The following SUV39H2 variants were observed in gnomAD, a reference collection of about 807,000 sequenced individuals.
The protein encoded by SUV39H2 is SUV39H2 histone lysine methyltransferase, also known as histone-lysine N-methyltransferase SUV39H2.
SUV39H2 carries 10 observed loss-of-function variants against 47.5 expected under a neutral mutation model. That is an observed-to-expected ratio of 0.21 (90% CI 0.13 to 0.36). The LOEUF is 0.36. Ranked by LOEUF, SUV39H2 falls within the 10% of genes least tolerant of loss-of-function variation. The pLI is 1.00. For synonymous variants in SUV39H2, 159 were observed against 166.8 expected, an observed-to-expected ratio of 0.95 and a Z score of 0.36; for missense variants, 266 against 487.4, an observed-to-expected ratio of 0.55 and a Z score of 4.28.
chr10:14,879,856 A>G (rs1328170135), intron 1 of SUV39H2: 1 of 151,092 alleles, frequency 6.6e-6, no homozygotes, highest in Non-Finnish European at 1.5e-5. Flanking sequence ...TTTCTGCATT[A>G]CTGGAGACTG....
chr10:14,878,965 G>A (rs1832954932), intron 1 of SUV39H2, 46 bp downstream of exon 1: 1 of 1,411,722 alleles, frequency 7.1e-7, no homozygotes, highest in East Asian at 3.1e-5. Flanking sequence ...TCCCAGGCAA[G>A]CTCCCAAGGC....
intron 1 of SUV39H2, among the ~76,000 whole-genome samples, chr10:14,880,221 C>G (rs994286492): frequency 6.6e-6 from 1 of 152,166 alleles, no homozygotes; most frequent in African/African-American, 2.4e-5. Flanking sequence ...TTTGTCTTTA[C>G]TGCTTTAGGA....
At chr10:14,889,919 T>C (rs573618195) in intron 2 of SUV39H2, among the ~76,000 whole-genome samples, 1 of 152,318 alleles carries the variant, frequency 6.6e-6, no homozygotes, top group South Asian at 2.1e-4. Context: ...CTGACAAAAC[T>C]ATGGGTATTT....
chr10:14,878,969 C>A, intron 1 of SUV39H2, 50 bp downstream of exon 1: 1 of 1,387,892 alleles, frequency 7.2e-7, no homozygotes, highest in East Asian at 3.1e-5. Flanking sequence ...AGGCAAGCTC[C>A]CAAGGCCCGG....
rs1834139944 is a variant in SUV39H2, at chr10:14,903,230, C to T, written c.*718C>T. Reference sequence around the variant, plus strand: ...CTCTCTAGAAGTCCAAAATGGCTAGCCATTATGCTTCTTTGAAAGGACATG... The same window carrying T: ...CTCTCTAGAAGTCCAAAATGGCTAGTCATTATGCTTCTTTGAAAGGACATG... On this transcript the variant is annotated 3_prime_UTR_variant, in exon 6 of 6. Coordinates refer to ENST00000354919, the MANE Select transcript of SUV39H2 (RefSeq NM_001193424.2). The T allele has an allele frequency of 6.6e-6, 1 of 152,080 alleles. No homozygotes were observed. The highest frequency in any genetic ancestry group is 2.4e-5 in the African/African-American group (1 of 41,402). The allele number at this position is 152,080 out of a possible 1,614,324, so 9.4% of individuals were successfully genotyped here.
At chr10:14,901,683 T>G (rs1234371943) in intron 5 of SUV39H2, among the ~76,000 whole-genome samples, 1 of 151,926 alleles carries the variant, frequency 6.6e-6, no homozygotes, top group East Asian at 1.9e-4. Context: ...ATGAAAAAAC[T>G]AGCCGGGCGT....
In SUV39H2 at chr10:14,890,576, C is replaced by A. The variant is rs78716619; in HGVS notation, c.178-6270C>A. On this transcript the variant is annotated intron_variant, in intron 2 of 5. Transcript: ENST00000354919. ...TGCTGCTAATTTGTAGAGACAAGGT[C>A]TCACTATATTGTCCAGGCTGGTCTC... is the stretch of plus-strand genomic sequence containing the variant. Among the ~76,000 whole-genome samples the A allele has an allele frequency of 9.5e-3, 1,440 of 152,302 alleles. 16 individuals are homozygous for A. Among genetic ancestry groups the A allele is most frequent in the Non-Finnish European group, 0.016 (1,100 of 68,022 alleles).
At chr10:14,891,783 T>C (rs1279977764) in intron 2 of SUV39H2, among the ~76,000 whole-genome samples, 4 of 152,218 alleles carry the variant, frequency 2.6e-5, no homozygotes, top group Non-Finnish European at 5.9e-5. Context: ...TACATGTCGA[T>C]AGGTTGCTTT....
chr10:14,879,737 A>G (rs771541731), intron 1 of SUV39H2: 4 of 151,936 alleles, frequency 2.6e-5, no homozygotes, highest in African/African-American at 9.7e-5. Flanking sequence ...TGGGATTATG[A>G]CCTCATTATC....
rs1169954070 is a variant in SUV39H2 at position 14,897,531 on chromosome 10, G to A, written c.849+14G>A. On this transcript the variant is annotated intron_variant, in intron 3 of 5. Transcript: ENST00000354919. ...TATGTTGGAGAGGTATGTTTCATTT[G>A]CCACGTAGTAAATGATGGACATGCA... The A allele has an allele frequency of 1.3e-6, 2 of 1,500,272 alleles. No individual in the cohort carries two copies. The highest frequency in any genetic ancestry group is 2.8e-5 in the African/African-American group (2 of 71,734). The allele number at this position is 1,500,272 out of a possible 1,614,324, so 92.9% of individuals were successfully genotyped here. A position where few individuals can be genotyped will look rare whatever the true frequency, so the allele number is the denominator to read the frequency against.
At chr10:14,882,022 G>A (rs1373288861) in intron 2 of SUV39H2, among the ~76,000 whole-genome samples, 1 of 152,178 alleles carries the variant, frequency 6.6e-6, no homozygotes. Context: ...TGACTCTCAA[G>A]AACATCACCA....
rs1284013194 is a variant in SUV39H2, at chr10:14,902,887, C to G, written c.*375C>G. On this transcript the variant is annotated 3_prime_UTR_variant, in exon 6 of 6. Transcript: ENST00000354919. ...CAAAGATTCAACTTGCCATACACCTCAAATTCGGAGAAACAGTTAATTTGG... is the reference window on the plus strand; with the variant it reads ...CAAAGATTCAACTTGCCATACACCTGAAATTCGGAGAAACAGTTAATTTGG... 1.3e-5 allele frequency: 2 copies of G among 155,070 alleles called. No individual in the cohort carries two copies. Among genetic ancestry groups the G allele is most frequent in the Non-Finnish European group, 2.9e-5 (2 of 69,840 alleles). The allele number at this position is 155,070 out of a possible 1,614,324, so 9.6% of individuals were successfully genotyped here.
At chr10:14,898,542 T>C (rs1178285239) in intron 3 of SUV39H2, 1 of 152,204 alleles carries the variant, frequency 6.6e-6, no homozygotes, top group Non-Finnish European at 1.5e-5. Flanking sequence ...TAGACAGTGG[T>C]AGATTATTAT....
At chr10:14,883,778 T>A (rs1397927014) in intron 2 of SUV39H2, among the ~76,000 whole-genome samples, 5 of 149,864 alleles carry the variant, frequency 3.3e-5, no homozygotes, top group Non-Finnish European at 7.4e-5. Flanking sequence ...TTTAGAACAC[T>A]TTTCATTATC....
chr10:14,896,711 C>A (rs1833632733), intron 2 of SUV39H2, 135 bp from the exon 3 acceptor site: 2 of 633,674 alleles, frequency 3.2e-6, no homozygotes, highest in East Asian at 2.7e-5. Context: ...GTGTTAGGAA[C>A]CTGTGACTAC....
intron 2 of SUV39H2, among the ~76,000 whole-genome samples, chr10:14,894,253 A>G (rs1293750020): frequency 6.8e-6 from 1 of 147,918 alleles, no homozygotes; most frequent in Non-Finnish European, 1.5e-5. Flanking sequence ...GAACCGCAAT[A>G]TATATTTCCA....
chr10:14,884,965 G>A (rs1833158819), intron 2 of SUV39H2, among the ~76,000 whole-genome samples: 1 of 152,174 alleles, frequency 6.6e-6, no homozygotes, highest in African/African-American at 2.4e-5. Context: ...ATTATACTAT[G>A]TGAGTGCTTA....
intron 2 of SUV39H2, among the ~76,000 whole-genome samples, chr10:14,893,531 G>A (rs1008659960): frequency 1.3e-5 from 2 of 152,148 alleles, no homozygotes; most frequent in Non-Finnish European, 2.9e-5. Flanking sequence ...GATGTAATAA[G>A]CTTATGAACT....
chr10:14,895,668 A>G (rs1162667433), intron 2 of SUV39H2, among the ~76,000 whole-genome samples: 1 of 152,172 alleles, frequency 6.6e-6, no homozygotes, highest in Non-Finnish European at 1.5e-5. Flanking sequence ...TAATCCAGTC[A>G]TGGGTGAGTC....
Sources: allele counts gnomAD v4.1 joint callset (sites outside exome capture counted in the v4.1 genomes callset), GRCh38; gene constraint gnomAD v4.1.1; transcripts MANE v1.5; gene names NCBI Gene and HGNC (gene_info 2026-07-23, HGNC 2026-07-21).